KAT6B: variants seen among roughly 807,000 people sequenced by gnomAD.
The protein encoded by KAT6B is histone acetyltransferase KAT6B.
Under a neutral mutation model 187.5 loss-of-function variants are expected in KAT6B, and 10 were observed. The ratio of observed to expected loss-of-function variants is 0.05; its 90% confidence interval spans 0.03 to 0.09. The LOEUF (loss-of-function observed/expected upper bound fraction) is 0.09, where lower values mean the gene tolerates loss of function less well. KAT6B is among the 10% of genes least tolerant of loss of function. The pLI is 1.00. For missense variants in KAT6B, 1,952 were observed against 2,558.9 expected, an observed-to-expected ratio of 0.76 and a Z score of 5.12; for synonymous variants, 861 against 926.8, an observed-to-expected ratio of 0.93 and a Z score of 1.29.
intron 13 of KAT6B, among the ~76,000 whole-genome samples, chr10:75,016,859 C>CT (rs11323524): frequency 0.011 from 739 of 68,712 alleles, 23 homozygotes; most frequent in African/African-American, 0.034. Flanking sequence ...AAGATAAGTG[C>CT]TTTTTTTTTT....
In KAT6B at chr10:74,843,200, A is replaced by G. The variant is rs763117455; in HGVS notation, c.343A>G (p.Ile115Val). 4.3e-6 allele frequency: 7 copies of G among 1,614,222 alleles called. No homozygotes were observed. The highest frequency in any genetic ancestry group is 3.3e-5 in the Admixed American group (2 of 60,036). Reference sequence around the variant, plus strand: ...TTGGAATAAACTTTTAAGGAGAGCAATTGAAGGACTTGAGGAGCCGAATGG... The same window carrying G: ...TTGGAATAAACTTTTAAGGAGAGCAGTTGAAGGACTTGAGGAGCCGAATGG... Reference protein sequence around the residue: ...VDWNKLLRRAIEGLEEPNGSS... With the variant: ...VDWNKLLRRAVEGLEEPNGSS... The change falls in exon 3 of 18, where the codon ATT becomes GTT. Residue 115 changes from isoleucine (I) to valine (V), a missense_variant. Transcript: ENST00000287239.
intron 3 of KAT6B, among the ~76,000 whole-genome samples, chr10:74,920,350 A>G (rs1203814675): frequency 2.0e-5 from 3 of 152,170 alleles, no homozygotes; most frequent in African/African-American, 7.2e-5. Flanking sequence ...ATGTCACCAG[A>G]ATTTCACATC....
intron 3 of KAT6B, among the ~76,000 whole-genome samples, chr10:74,933,250 G>GA (rs1849008567): frequency 6.6e-6 from 1 of 152,048 alleles, no homozygotes; most frequent in African/African-American, 2.4e-5. Context: ...TAGTTCCTTG[G>GA]AAAAAAGAGA....
chr10:74,856,848 C>T (rs1842857200), intron 3 of KAT6B, among the ~76,000 whole-genome samples: 1 of 152,062 alleles, frequency 6.6e-6, no homozygotes, highest in African/African-American at 2.4e-5. Flanking sequence ...TTGCAGTAAG[C>T]CAAGGTCACA....
intron 13 of KAT6B, among the ~76,000 whole-genome samples, chr10:75,016,859 CTTTTT>C (rs11323524): frequency 1.5e-5 from 1 of 68,746 alleles, no homozygotes; most frequent in Non-Finnish European, 3.0e-5. Flanking sequence ...AAGATAAGTG[CTTTTT>C]TTTTTTTTTT....
chr10:74,927,826 A>G lies in KAT6B; in HGVS notation c.622-32144A>G, dbSNP rs1055589252. Among the ~76,000 whole-genome samples the G allele has an allele frequency of 3.9e-5, 6 of 152,246 alleles. No individual in the cohort carries two copies. In the South Asian group the frequency reaches 6.2e-4, roughly 16 times the overall value. On this transcript the variant is annotated intron_variant, in intron 3 of 17. Coordinates refer to ENST00000287239, the MANE Select transcript of KAT6B (RefSeq NM_012330.4). ...TCCAGCCTAGGAAGTATTCAGACCA[A>G]GTACTCATGTGTGACTCTCCAGTGC...
intron 13 of KAT6B, among the ~76,000 whole-genome samples, chr10:74,997,201 TTC>T (rs990279473): frequency 2.0e-5 from 3 of 148,270 alleles, no homozygotes; most frequent in Admixed American, 6.7e-5. Context: ...CTCTCTCTCT[TTC>T]TCTCTCTCTC....
At chr10:74,986,838 T>C (rs979082383) in intron 12 of KAT6B, among the ~76,000 whole-genome samples, 6 of 152,188 alleles carry the variant, frequency 3.9e-5, no homozygotes, top group Non-Finnish European at 5.9e-5. Context: ...TCATTGTCTG[T>C]GGATTTAAAC....
chr10:74,868,629 G>A (rs147811407), intron 3 of KAT6B, among the ~76,000 whole-genome samples: 3 of 152,258 alleles, frequency 2.0e-5, no homozygotes, highest in East Asian at 3.9e-4. Context: ...AATTTCTCCA[G>A]TTTAGTCACC....
intron 3 of KAT6B, among the ~76,000 whole-genome samples, chr10:74,858,498 G>A (rs939069355): frequency 3.3e-5 from 5 of 151,886 alleles, no homozygotes; most frequent in Admixed American, 6.6e-5. Flanking sequence ...GGCTGGTCTC[G>A]AACTCCTTGG....
chr10:74,910,706 A>T (rs935154313), intron 3 of KAT6B, among the ~76,000 whole-genome samples: 1 of 151,838 alleles, frequency 6.6e-6, no homozygotes, highest in Non-Finnish European at 1.5e-5. Context: ...CAGATCTGCA[A>T]CCTCCCTGGT....
At chr10:74,951,752 A>G (rs953581493) in intron 3 of KAT6B, among the ~76,000 whole-genome samples, 1 of 152,216 alleles carries the variant, frequency 6.6e-6, no homozygotes, top group Non-Finnish European at 1.5e-5. Flanking sequence ...AGATTAGACA[A>G]TGGTGGAACC....
At chr10:74,942,468 A>C (rs1275484538) in intron 3 of KAT6B, among the ~76,000 whole-genome samples, 1 of 152,104 alleles carries the variant, frequency 6.6e-6, no homozygotes, top group Non-Finnish European at 1.5e-5. Context: ...AAAGACATTT[A>C]TAAAAAGCCA....
At chr10:74,931,686 T>C (rs1848892391) in intron 3 of KAT6B, among the ~76,000 whole-genome samples, 1 of 152,202 alleles carries the variant, frequency 6.6e-6, no homozygotes, top group African/African-American at 2.4e-5. Context: ...GAATATGATT[T>C]GCCAGCCTTC....
intron 13 of KAT6B, 36 bp downstream of exon 13, chr10:74,989,148 G>C (rs1320847497): frequency 1.4e-6 from 2 of 1,406,958 alleles, no homozygotes; most frequent in African/African-American, 2.8e-5. Context: ...CATGATCCAG[G>C]AAGCTGATGG....
At chr10:74,825,871 G>A (rs550954619), upstream of KAT6B, among the ~76,000 whole-genome samples, 1 of 151,702 alleles carries the variant, frequency 6.6e-6, no homozygotes, top group Admixed American at 6.6e-5. This position sits in a 1 kb window ranked among gnomAD's most constrained non-coding sequence, Gnocchi z 5.0. Context: ...GGTGTGTTGG[G>A]GGGGGAAGGA....
At chr10:74,873,305 GAA>G (rs11310083) in intron 3 of KAT6B, among the ~76,000 whole-genome samples, 6 of 133,070 alleles carry the variant, frequency 4.5e-5, no homozygotes, top group African/African-American at 7.9e-5. Flanking sequence ...TACAAAAAAT[GAA>G]AAAAAAAAAA....
At chr10:74,846,717 G>A (rs749680794) in intron 3 of KAT6B, among the ~76,000 whole-genome samples, 11 of 152,174 alleles carry the variant, frequency 7.2e-5, no homozygotes, top group East Asian at 5.8e-4. Flanking sequence ...GATTACAGGC[G>A]TGAGCCACTG....
At chr10:74,869,186 G>A (rs1327176593) in intron 3 of KAT6B, among the ~76,000 whole-genome samples, 1 of 151,868 alleles carries the variant, frequency 6.6e-6, no homozygotes, top group African/African-American at 2.4e-5. Context: ...TTTCCTTCCA[G>A]ATTTGTTTAT....
Sources: allele counts gnomAD v4.1 joint callset (sites outside exome capture counted in the v4.1 genomes callset), GRCh38; gene constraint gnomAD v4.1.1; non-coding constraint Gnocchi (gnomAD v3.1); transcripts MANE v1.5; gene names NCBI Gene and HGNC (gene_info 2026-07-23, HGNC 2026-07-21).